Variants in MAP2 observed in about 807,000 individuals in gnomAD.
MAP2 encodes the protein microtubule associated protein 2.
MAP2 carries 14 observed loss-of-function variants against 137.6 expected under a neutral mutation model. The ratio of observed to expected loss-of-function variants is 0.10; its 90% confidence interval spans 0.07 to 0.16. MAP2 has a LOEUF of 0.16. Ranked by LOEUF, MAP2 falls within the 10% of genes least tolerant of loss-of-function variation. The pLI is 1.00. For missense variants in MAP2, 2,088 were observed against 2,191.5 expected (o/e 0.95, Z 0.94); for synonymous variants, 786 against 782.3 (o/e 1.00, Z -0.08).
intron 4 of MAP2, among the ~76,000 whole-genome samples, chr2:209,644,619 C>A (rs1581887166): frequency 7.1e-6 from 1 of 139,926 alleles, no homozygotes; most frequent in South Asian, 2.3e-4. Flanking sequence ...TGCAGTGAGC[C>A]AAGATGGAAC....
At chr2:209,488,456 AG>A (rs1457295946) in intron 1 of MAP2, among the ~76,000 whole-genome samples, 1 of 152,148 alleles carries the variant, frequency 6.6e-6, no homozygotes, top group South Asian at 2.1e-4. Flanking sequence ...TCCCCTGGAA[AG>A]GGGGGCTGAA....
At chr2:209,432,649 A>C (rs1278641863) in intron 1 of MAP2, among the ~76,000 whole-genome samples, 1 of 152,186 alleles carries the variant, frequency 6.6e-6, no homozygotes, top group Admixed American at 6.6e-5. Flanking sequence ...AATTCTCTCG[A>C]TGAACATGTC....
At position 209,490,057 on chromosome 2, in the gene MAP2, A is replaced by C. The variant is rs568429497; in HGVS notation, c.-221-17535A>C. 9.2e-5 allele frequency among the ~76,000 whole-genome samples: 14 copies of C among 152,314 alleles called. No homozygotes were observed. The South Asian group carries it at 2.9e-3, about 32-fold the overall frequency. ...AAGGTTGGGTTACCCACAAAGGGAA[A>C]CCCATCAGACACAGCAGATCTCTCT... On this transcript the variant is annotated intron_variant, in intron 1 of 15. Coordinates refer to ENST00000682079, the MANE Select transcript of MAP2 (RefSeq NM_001375505.1).
At chr2:209,597,611 A>G (rs1004746579) in intron 3 of MAP2, among the ~76,000 whole-genome samples, 2 of 152,152 alleles carry the variant, frequency 1.3e-5, no homozygotes, top group Non-Finnish European at 2.9e-5. Context: ...AAACCTTTCA[A>G]TGCTTCCCAT....
chr2:209,448,669 A>C (rs539963520), intron 1 of MAP2, among the ~76,000 whole-genome samples: 2 of 152,182 alleles, frequency 1.3e-5, no homozygotes, highest in South Asian at 4.2e-4. Flanking sequence ...TTGTGGCTAC[A>C]TCACTCCAAT....
At chr2:209,729,820 A>G (rs779022383) in intron 14 of MAP2, 30 bp from the exon 15 acceptor site, 2 of 1,437,648 alleles carry the variant, frequency 1.4e-6, no homozygotes, top group East Asian at 2.3e-5. Context: ...TGCAAGATAT[A>G]GTTAAATCAA....
At chr2:209,493,558 CAG>C (rs1282946340) in intron 1 of MAP2, among the ~76,000 whole-genome samples, 6 of 152,122 alleles carry the variant, frequency 3.9e-5, no homozygotes, top group Non-Finnish European at 8.8e-5. Context: ...GGCTAATATC[CAG>C]AGTCTACAAG....
chr2:209,721,254 G>A (rs1341281568), intron 13 of MAP2, among the ~76,000 whole-genome samples: 1 of 152,100 alleles, frequency 6.6e-6, no homozygotes, highest in Admixed American at 6.6e-5. Flanking sequence ...CTACCATTAA[G>A]CGCGATGGAA....
chr2:209,678,411 G>T (rs892450967), intron 5 of MAP2, among the ~76,000 whole-genome samples, 161 bp from the exon 6 acceptor site: 6 of 151,686 alleles, frequency 4.0e-5, no homozygotes, highest in Non-Finnish European at 8.8e-5. Flanking sequence ...CTTCTTTTTT[G>T]TATATATGTG....
At chr2:209,587,333 A>G (rs2078018056) in intron 3 of MAP2, among the ~76,000 whole-genome samples, 1 of 152,148 alleles carries the variant, frequency 6.6e-6, no homozygotes, top group African/African-American at 2.4e-5. Flanking sequence ...GCTTAAAGCC[A>G]CAGGGGAACA....
At chr2:209,604,958 T>A (rs1251678472) in intron 3 of MAP2, among the ~76,000 whole-genome samples, 1 of 152,144 alleles carries the variant, frequency 6.6e-6, no homozygotes, top group Non-Finnish European at 1.5e-5. Context: ...ATGGTTATGG[T>A]ATATTATATG....
intron 2 of MAP2, among the ~76,000 whole-genome samples, chr2:209,538,369 A>G (rs920760566): frequency 6.6e-6 from 1 of 152,104 alleles, no homozygotes; most frequent in African/African-American, 2.4e-5. Context: ...ATTTTATATC[A>G]TTGGTTCATA....
chr2:209,506,450 T>C (rs1349059881), intron 1 of MAP2, among the ~76,000 whole-genome samples: 5 of 152,298 alleles, frequency 3.3e-5, no homozygotes, highest in Admixed American at 3.3e-4. Context: ...ATATGCTGTT[T>C]TCTATCCAGT....
intron 1 of MAP2, among the ~76,000 whole-genome samples, chr2:209,452,376 TGTC>T (rs1296411378): frequency 2.0e-5 from 3 of 152,190 alleles, no homozygotes; most frequent in African/African-American, 7.2e-5. Flanking sequence ...AAAGGCATTC[TGTC>T]AGGAACTCTC....
At chr2:209,444,645 T>G (rs925134281) in intron 1 of MAP2, among the ~76,000 whole-genome samples, 9 of 151,648 alleles carry the variant, frequency 5.9e-5, no homozygotes, top group African/African-American at 2.2e-4. Flanking sequence ...TCAAACCTCA[T>G]TACAGTAATT....
At chr2:209,516,444 A>G (rs2062517818) in intron 2 of MAP2, among the ~76,000 whole-genome samples, 1 of 152,160 alleles carries the variant, frequency 6.6e-6, no homozygotes, top group Non-Finnish European at 1.5e-5. Context: ...CTTTTTAAAA[A>G]ACAGCTACGG....
intron 4 of MAP2, among the ~76,000 whole-genome samples, chr2:209,629,449 A>G (rs1021673279): frequency 1.3e-5 from 2 of 152,160 alleles, no homozygotes; most frequent in African/African-American, 4.8e-5. Context: ...TAGAACCACA[A>G]TACCCCAACA....
intron 4 of MAP2, 96 bp from the exon 5 acceptor site, chr2:209,653,046 C>A: frequency 1.1e-6 from 1 of 892,444 alleles, no homozygotes; most frequent in Non-Finnish European, 1.7e-6. Flanking sequence ...CCATAGAAAG[C>A]CACACGGTTT....
chr2:209,596,056 T>C (rs1448612678), intron 3 of MAP2, among the ~76,000 whole-genome samples: 1 of 152,184 alleles, frequency 6.6e-6, no homozygotes, highest in African/African-American at 2.4e-5. Flanking sequence ...TATACCTATG[T>C]AACAAACCTA....
Sources: gnomAD v4.1 joint callset for allele counts (sites outside exome capture counted in the v4.1 genomes callset) on GRCh38, gnomAD v4.1.1 for gene constraint, MANE v1.5 for transcripts, NCBI Gene and HGNC (gene_info 2026-07-23, HGNC 2026-07-21) for gene names.